Variants in MARCHF7 observed in about 807,000 individuals in gnomAD.
MARCHF7 encodes the protein E3 ubiquitin-protein ligase MARCHF7.
A neutral mutation model predicts 76.5 loss-of-function variants in MARCHF7; 20 were observed. That is an observed-to-expected ratio of 0.26 (90% CI 0.18 to 0.38). MARCHF7 has a LOEUF of 0.38. MARCHF7 is among the 10% of genes least tolerant of loss of function. The probability of loss-of-function intolerance (pLI) is 1.00; values close to 1 mark genes in which losing one functional copy is unlikely to be tolerated. For synonymous variants in MARCHF7, 295 were observed against 293.0 expected (o/e 1.01, Z -0.07); for missense variants, 797 against 812.9 (o/e 0.98, Z 0.24).
At chr2:159,761,211 A>G (rs991767779) in intron 9 of MARCHF7, among the ~76,000 whole-genome samples, 1 of 150,866 alleles carries the variant, frequency 6.6e-6, no homozygotes, top group African/African-American at 2.4e-5. Context: ...TTTAGTAGGG[A>G]CGGGGCTTCA....
intron 8 of MARCHF7, 64 bp from the exon 9 acceptor site, chr2:159,759,162 G>T: frequency 7.2e-6 from 6 of 834,786 alleles, no homozygotes; most frequent in South Asian, 1.6e-5. Flanking sequence ...AAAACTTAAC[G>T]AGGAAAAGTG....
intron 4 of MARCHF7, 85 bp from the exon 5 acceptor site, chr2:159,742,976 T>G: frequency 2.5e-6 from 3 of 1,181,182 alleles, no homozygotes; most frequent in Non-Finnish European, 3.6e-6. Flanking sequence ...AATTGATGCT[T>G]GTGGGAATTT....
chr2:159,737,648 C>G (rs1160810353), intron 4 of MARCHF7, among the ~76,000 whole-genome samples: 1 of 152,078 alleles, frequency 6.6e-6, no homozygotes, highest in Admixed American at 6.5e-5. Flanking sequence ...ATTAGCTGTG[C>G]ATGGTGTCGC....
intron 10 of MARCHF7, among the ~76,000 whole-genome samples, chr2:159,763,233 A>G (rs1022008692): frequency 6.6e-6 from 1 of 152,188 alleles, no homozygotes; most frequent in Admixed American, 6.5e-5. Flanking sequence ...CTCAAAGGTA[A>G]TTGGAATGTA....
At chr2:159,751,442 G>A (rs1290556681) in intron 7 of MARCHF7, among the ~76,000 whole-genome samples, 1 of 152,188 alleles carries the variant, frequency 6.6e-6, no homozygotes, top group African/African-American at 2.4e-5. Context: ...AGGGAAGAAA[G>A]TTAAAGGTAA....
chr2:159,726,239 GTTTTGTTTTGTT>G (rs1702154316), intron 3 of MARCHF7, among the ~76,000 whole-genome samples: 1 of 125,952 alleles, frequency 7.9e-6, no homozygotes, highest in Non-Finnish European at 1.6e-5. Context: ...GTTTTGTTTT[GTTTTGTTTTGTT>G]TTGTTTTGTT....
intron 9 of MARCHF7, among the ~76,000 whole-genome samples, chr2:159,761,490 C>T (rs570676133): frequency 7.4e-6 from 1 of 134,746 alleles, no homozygotes; most frequent in Non-Finnish European, 1.5e-5. Context: ...TCTCGGCCAA[C>T]TGCAACCTCC....
chr2:159,751,670 A>G (rs926182242), intron 7 of MARCHF7, among the ~76,000 whole-genome samples: 3 of 152,206 alleles, frequency 2.0e-5, no homozygotes, highest in Non-Finnish European at 2.9e-5. Flanking sequence ...TCATGCCAAC[A>G]GTGGACTAAC....
intron 3 of MARCHF7, among the ~76,000 whole-genome samples, chr2:159,724,561 C>T (rs981424889): frequency 1.3e-5 from 2 of 152,162 alleles, no homozygotes; most frequent in African/African-American, 4.8e-5. Context: ...GCAACTTACT[C>T]CCAGTCCTTA....
chr2:159,752,438 C>T lies in MARCHF7; in HGVS notation c.1650C>T (p.Asp550=), dbSNP rs751195825. The change falls in exon 8 of 12, where the codon GAC becomes GAT. Residue 550 remains aspartate (D), a synonymous_variant. Coordinates refer to ENST00000409175, the MANE Select transcript of MARCHF7 (RefSeq NM_001282805.2). The part of the protein sequence containing the change: ...LLEDSEEEEG[D]LCRICQMAAA... The stretch of plus-strand genomic sequence containing the variant: ...AGGACTCAGAAGAAGAAGAAGGTGA[C>T]TTATGTAGAATTTGTCAAATGGCAG... The T allele has an allele frequency of 1.2e-6, 2 of 1,602,548 alleles. No individual in the cohort carries two copies. The highest frequency in any genetic ancestry group is 2.3e-5 in the South Asian group (2 of 88,806).
chr2:159,757,842 AC>A (rs1340038224), intron 8 of MARCHF7, among the ~76,000 whole-genome samples: 1 of 152,182 alleles, frequency 6.6e-6, no homozygotes, highest in Admixed American at 6.5e-5. Context: ...TCATTCATAT[AC>A]TCAAAATATA....
intron 3 of MARCHF7, among the ~76,000 whole-genome samples, chr2:159,721,448 CTT>C (rs1346776586): frequency 1.3e-5 from 2 of 152,042 alleles, no homozygotes; most frequent in African/African-American, 4.8e-5. Context: ...ATTAAAATGC[CTT>C]AAGGTGAAGA....
Position 159,761,843 on chromosome 2 carries a change from T to C in MARCHF7, c.1894-1037T>C, listed in dbSNP as rs543648210. Among the ~76,000 whole-genome samples the C allele has an allele frequency of 2.0e-4, 30 of 152,332 alleles. No homozygotes were observed. The South Asian group carries it at 5.8e-3, about 29-fold the overall frequency. ...TTTGTAAATAGTTCACTGTAAAAAT[T>C]ACAGGACAGATTAGATTATTAATAA... On this transcript the variant is annotated intron_variant, in intron 9 of 11. Coordinates refer to ENST00000409175, the MANE Select transcript of MARCHF7 (RefSeq NM_001282805.2).
At chr2:159,752,665 CTT>C (rs1260692767) in intron 8 of MARCHF7, 94 bp downstream of exon 8, 1 of 1,136,818 alleles carries the variant, frequency 8.8e-7, no homozygotes, top group African/African-American at 1.6e-5. Flanking sequence ...TGAATTTAGA[CTT>C]TTAACAAGTG....
At chr2:159,731,329 TATA>T (rs762273930) in intron 4 of MARCHF7, among the ~76,000 whole-genome samples, 14 of 152,340 alleles carry the variant, frequency 9.2e-5, no homozygotes, top group Middle Eastern at 3.4e-3. Flanking sequence ...TTATAATTGT[TATA>T]ATAATTATTA....
chr2:159,719,871 C>T (rs774810230), intron 3 of MARCHF7, among the ~76,000 whole-genome samples: 2 of 152,094 alleles, frequency 1.3e-5, no homozygotes, highest in East Asian at 1.9e-4. Context: ...ATTCTTCTGT[C>T]GGGGCATTAG....
chr2:159,750,408 G>A (rs1287322359), intron 7 of MARCHF7, among the ~76,000 whole-genome samples: 7 of 152,056 alleles, frequency 4.6e-5, no homozygotes, highest in African/African-American at 1.2e-4. Flanking sequence ...ACCTGTAGTC[G>A]CAGCTACTCA....
At chr2:159,743,971 G>GTTTTT (rs1412931838) in intron 5 of MARCHF7, among the ~76,000 whole-genome samples, 10 of 108,396 alleles carry the variant, frequency 9.2e-5, no homozygotes, top group Admixed American at 2.2e-4. Flanking sequence ...TTTAGTAGGA[G>GTTTTT]TTCTTTTTTT....
At chr2:159,731,277 A>G (rs1261898459) in intron 4 of MARCHF7, among the ~76,000 whole-genome samples, 1 of 152,194 alleles carries the variant, frequency 6.6e-6, no homozygotes, top group Non-Finnish European at 1.5e-5. Context: ...TGCCTGGCAT[A>G]TGATAAATAC....
Sources: allele counts gnomAD v4.1 joint callset (sites outside exome capture counted in the v4.1 genomes callset), GRCh38; gene constraint gnomAD v4.1.1; transcripts MANE v1.5; gene names NCBI Gene and HGNC (gene_info 2026-07-23, HGNC 2026-07-21).